Variants in EXOC6B observed in about 807,000 individuals in gnomAD.
EXOC6B encodes SEC15 homolog B.
In EXOC6B, 54 loss-of-function variants were observed where a neutral mutation model predicts 113.5. That is an observed-to-expected ratio of 0.48 (90% CI 0.38 to 0.60). EXOC6B has a LOEUF of 0.60. EXOC6B is among the 20% of genes least tolerant of loss of function. EXOC6B has a pLI of 0.00. For missense variants in EXOC6B, 797 were observed against 977.5 expected, an observed-to-expected ratio of 0.82 and a Z score of 2.46; for synonymous variants, 357 against 339.0, an observed-to-expected ratio of 1.05 and a Z score of -0.58.
chr2:72,516,516 C>T (rs555850144), intron 8 of EXOC6B, among the ~76,000 whole-genome samples: 2 of 152,304 alleles, frequency 1.3e-5, no homozygotes, highest in Middle Eastern at 3.4e-3. Context: ...GCTGGGATTA[C>T]AGGCCTTAGC....
intron 6 of EXOC6B, among the ~76,000 whole-genome samples, chr2:72,636,769 T>C (rs563068357): frequency 1.3e-5 from 2 of 152,202 alleles, no homozygotes; most frequent in South Asian, 2.1e-4. Flanking sequence ...CAAAAAGATA[T>C]GCATTCTAAC....
chr2:72,460,231 T>G (rs1441876139), intron 18 of EXOC6B, among the ~76,000 whole-genome samples: 2 of 151,580 alleles, frequency 1.3e-5, no homozygotes, highest in African/African-American at 4.9e-5. Context: ...ACTTAAACGT[T>G]AGACCTAAAA....
intron 6 of EXOC6B, among the ~76,000 whole-genome samples, chr2:72,626,051 TAA>T (rs2104229479): frequency 6.6e-6 from 1 of 152,174 alleles, no homozygotes; most frequent in South Asian, 2.1e-4. Context: ...ACTATATACA[TAA>T]GTCAAGCAAT....
At chr2:72,191,762 A>G (rs1572971942) in intron 20 of EXOC6B, among the ~76,000 whole-genome samples, 1 of 152,202 alleles carries the variant, frequency 6.6e-6, no homozygotes, top group East Asian at 1.9e-4. Flanking sequence ...TGCGATTATT[A>G]TTAGGATAAA....
chr2:72,713,490 G>A (rs1254184713), intron 6 of EXOC6B, among the ~76,000 whole-genome samples: 1 of 151,740 alleles, frequency 6.6e-6, no homozygotes, highest in Non-Finnish European at 1.5e-5. Flanking sequence ...GTGCAGGTTA[G>A]TTACATATGT....
At chr2:72,617,936 A>G (rs184004322) in intron 6 of EXOC6B, among the ~76,000 whole-genome samples, 3 of 152,268 alleles carry the variant, frequency 2.0e-5, no homozygotes, top group African/African-American at 7.2e-5. Context: ...GTTTCACCCC[A>G]TTCGGGAGGT....
chr2:72,323,174 G>T (rs1370812092), intron 20 of EXOC6B, among the ~76,000 whole-genome samples: 5 of 152,010 alleles, frequency 3.3e-5, no homozygotes, highest in Admixed American at 2.0e-4. Context: ...GTGGGCAAAG[G>T]ATATGAAAAG....
At chr2:72,723,934 G>A (rs919402464) in intron 5 of EXOC6B, among the ~76,000 whole-genome samples, 3 of 152,068 alleles carry the variant, frequency 2.0e-5, no homozygotes, top group African/African-American at 7.2e-5. Context: ...ATAATTACCA[G>A]GATTATCTAC....
At chr2:72,413,723 T>G (rs1015332190) in intron 18 of EXOC6B, among the ~76,000 whole-genome samples, 3 of 150,722 alleles carry the variant, frequency 2.0e-5, no homozygotes, top group African/African-American at 7.3e-5. Flanking sequence ...AGATGGGGCC[T>G]CTCTATGCTG....
At chr2:72,501,376 C>T (rs1392049232) in intron 11 of EXOC6B, among the ~76,000 whole-genome samples, 2 of 152,128 alleles carry the variant, frequency 1.3e-5, no homozygotes, top group African/African-American at 4.8e-5. Flanking sequence ...TCCCCTTTGC[C>T]TTTTACCATG....
chr2:72,201,225 A>G (rs890898979), intron 20 of EXOC6B, among the ~76,000 whole-genome samples: 23 of 152,132 alleles, frequency 1.5e-4, no homozygotes, highest in African/African-American at 5.6e-4. Context: ...TAGTTCATTT[A>G]ACTGCCAAAT....
Position 72,407,708 on chromosome 2 carries a change from C to T in EXOC6B, c.1981-27838G>A, listed in dbSNP as rs996821526. On this transcript the variant is annotated intron_variant, in intron 18 of 21. Transcript: ENST00000272427. ...CTCAATAAATTAGGTATTGATGGGA[C>T]GTATCTCAAAATAATAAAAGCTATC... 8.1e-4 allele frequency among the ~76,000 whole-genome samples: 123 copies of T among 152,200 alleles called. 1 individual carries two copies. In the Middle Eastern group the frequency reaches 0.014, roughly 17 times the overall value.
intron 19 of EXOC6B, among the ~76,000 whole-genome samples, chr2:72,363,304 T>A: frequency 6.6e-6 from 1 of 152,070 alleles, no homozygotes; most frequent in East Asian, 1.9e-4. Context: ...ATAATACTCC[T>A]GTTATATAAT....
At chr2:72,224,676 C>A (rs1400490227) in intron 20 of EXOC6B, among the ~76,000 whole-genome samples, 1 of 152,036 alleles carries the variant, frequency 6.6e-6, no homozygotes, top group Non-Finnish European at 1.5e-5. Context: ...GTTGCCCAGG[C>A]TGGAGTGCAG....
At chr2:72,416,485 C>G (rs1387125454) in intron 18 of EXOC6B, among the ~76,000 whole-genome samples, 1 of 152,112 alleles carries the variant, frequency 6.6e-6, no homozygotes, top group Non-Finnish European at 1.5e-5. Context: ...CACATATCTC[C>G]AAATTGGAAA....
intron 20 of EXOC6B, among the ~76,000 whole-genome samples, chr2:72,296,576 G>A (rs1391394022): frequency 6.6e-6 from 1 of 152,100 alleles, no homozygotes; most frequent in Non-Finnish European, 1.5e-5. Flanking sequence ...CTCCTAAAAA[G>A]TGTTCCAGGT....
intron 3 of EXOC6B, among the ~76,000 whole-genome samples, chr2:72,731,696 T>C (rs544183885): frequency 6.6e-6 from 1 of 152,332 alleles, no homozygotes; most frequent in African/African-American, 2.4e-5. Flanking sequence ...GAATTTAGAA[T>C]GTGAGACAAA....
At chr2:72,407,804 C>T (rs1168553736) in intron 18 of EXOC6B, among the ~76,000 whole-genome samples, 1 of 152,160 alleles carries the variant, frequency 6.6e-6, no homozygotes, top group South Asian at 2.1e-4. Context: ...AAAACTGGCA[C>T]AAGACAGGGA....
At chr2:72,319,611 A>G (rs1377680065) in intron 20 of EXOC6B, among the ~76,000 whole-genome samples, 1 of 152,226 alleles carries the variant, frequency 6.6e-6, no homozygotes, top group Non-Finnish European at 1.5e-5. Flanking sequence ...GAACAATTAA[A>G]CATCAACATT....
Sources: allele counts gnomAD v4.1 joint callset (sites outside exome capture counted in the v4.1 genomes callset), GRCh38; gene constraint gnomAD v4.1.1; transcripts MANE v1.5; gene names NCBI Gene and HGNC (gene_info 2026-07-23, HGNC 2026-07-21).